CERT1: variants seen among roughly 807,000 people sequenced by gnomAD.
CERT1 encodes ceramide transporter 1.
Under a neutral mutation model 87.9 loss-of-function variants are expected in CERT1, and 31 were observed. The ratio of observed to expected loss-of-function variants is 0.35; its 90% CI spans 0.27 to 0.48. CERT1 has a LOEUF of 0.48. Among genes scored for constraint, CERT1 ranks in the 20% least tolerant of loss-of-function variants. The pLI, the probability that CERT1 is intolerant of heterozygous loss-of-function variation, is 0.99. For synonymous variants in CERT1, 289 were observed against 250.9 expected (o/e 1.15, Z -1.44); for missense variants, 487 against 758.0 (o/e 0.64, Z 4.20).
At chr5:75,510,949 A>C (rs1194494785) in intron 1 of CERT1, among the ~76,000 whole-genome samples, 163 bp downstream of exon 1, 2 of 152,116 alleles carry the variant, frequency 1.3e-5, no homozygotes, top group African/African-American at 4.8e-5. Context: ...CAACAAGGAC[A>C]GTGCCCCTAT....
Position 75,426,403 on chromosome 5 carries a change from C to T in CERT1, c.424G>A (p.Gly142Ser). The T allele has an allele frequency of 6.2e-7, 1 of 1,613,546 alleles. No individual in the cohort carries two copies. Among genetic ancestry groups the T allele is most frequent in the Non-Finnish European group, 8.5e-7 (1 of 1,179,664 alleles). ...SMVSLVSGAS[G>S]YSATSTSSFK... ...GAAGAGGTGGATGTTGCAGAGTAGC[C>T]ACTTGCTCCAGACACCAGGGACACC... is the stretch of plus-strand genomic sequence containing the variant. Residue 142 changes from glycine (G) to serine (S), a missense_variant, in exon 4 of 17, where the codon GGC becomes AGC. Transcript: ENST00000643780.
At chr5:75,482,701 G>A (rs2112395849) in intron 2 of CERT1, among the ~76,000 whole-genome samples, 1 of 152,270 alleles carries the variant, frequency 6.6e-6, no homozygotes, top group Admixed American at 6.5e-5. Context: ...TCCATTTAGG[G>A]GAAAGGGTAG....
chr5:75,511,253 TGCGCCGGAGGAGGCG>T lies in CERT1; in HGVS notation c.-61_-47del. 1 of 1,603,918 alleles carries T rather than the reference TGCGCCGGAGGAGGCG, an allele frequency of 6.2e-7. No homozygotes were observed. Among genetic ancestry groups the T allele is most frequent in the Non-Finnish European group, 8.5e-7 (1 of 1,175,374 alleles). ...GGAGACCGGCCCCCGCTCCCTCAGC[TGCGCCGGAGGAGGCG>T]CCCAGTCCTCGGGGTGAAGGGTCGG... On this transcript the variant is annotated 5_prime_UTR_variant, in exon 1 of 17. Coordinates refer to ENST00000643780, the MANE Select transcript of CERT1 (RefSeq NM_001379029.1).
intron 14 of CERT1, among the ~76,000 whole-genome samples, chr5:75,384,161 AC>A (rs1434066404): frequency 1.3e-5 from 2 of 152,164 alleles, no homozygotes; most frequent in African/African-American, 4.8e-5. Flanking sequence ...ACTATCATTT[AC>A]CTCTTATAGA....
chr5:75,428,604 G>A (rs1763728361), intron 3 of CERT1, among the ~76,000 whole-genome samples: 1 of 152,002 alleles, frequency 6.6e-6, no homozygotes, highest in Non-Finnish European at 1.5e-5. Context: ...CATGAACCTG[G>A]GAGGCGGAGC....
intron 2 of CERT1, among the ~76,000 whole-genome samples, chr5:75,475,498 C>G (rs925493306): frequency 1.3e-5 from 2 of 152,062 alleles, no homozygotes; most frequent in Non-Finnish European, 2.9e-5. Flanking sequence ...AAGAAGAGCC[C>G]TACCATTTTC....
intron 15 of CERT1, 63 bp from the exon 16 acceptor site, chr5:75,381,264 A>T (rs1220046183): frequency 6.3e-7 from 1 of 1,586,092 alleles, no homozygotes; most frequent in African/African-American, 1.3e-5. Context: ...TGCTGGTCTA[A>T]TATTATATTA....
At chr5:75,474,211 C>A (rs1005842541) in intron 2 of CERT1, among the ~76,000 whole-genome samples, 3 of 152,196 alleles carry the variant, frequency 2.0e-5, no homozygotes, top group Non-Finnish European at 4.4e-5. Context: ...CTGTCACGTA[C>A]CCCCTGCTTG....
intron 3 of CERT1, among the ~76,000 whole-genome samples, chr5:75,450,310 C>T (rs1001029281): frequency 6.6e-6 from 1 of 152,072 alleles, no homozygotes; most frequent in South Asian, 2.1e-4. Flanking sequence ...AGTTCAGGCA[C>T]GGGGCTGACC....
At chr5:75,454,783 AAACTC>A (rs1764906971) in intron 3 of CERT1, among the ~76,000 whole-genome samples, 1 of 152,194 alleles carries the variant, frequency 6.6e-6, no homozygotes, top group African/African-American at 2.4e-5. Flanking sequence ...AAAGGTGAAA[AAACTC>A]AATTAAGTGG....
At chr5:75,449,613 A>T (rs1263530585) in intron 3 of CERT1, among the ~76,000 whole-genome samples, 2 of 152,016 alleles carry the variant, frequency 1.3e-5, no homozygotes, top group African/African-American at 4.8e-5. Context: ...ATATTGAAAA[A>T]TTTTTTTCCA....
chr5:75,511,141 G>A lies in CERT1; in HGVS notation c.67C>T (p.Pro23Ser), dbSNP rs1272292424. ...EEDPETESGP[P>S]VERCGVLSKW... ...CTGAGGACCCCGCAGCGCTCCACAG[G>A]CGGCCCAGACTCCGTCTCTGGATCC... Residue 23 changes from proline to serine, a missense_variant, in exon 1 of 17, where the codon CCT (proline) becomes TCT (serine). Physicochemically the swap from Pro to Ser is moderately conservative, Grantham distance 74. This residue lies in a region of CERT1 where 173 missense variants were observed against 302.2 expected (regional missense o/e 0.57). Transcript: ENST00000643780. 6.2e-7 allele frequency: 1 copy of A among 1,606,026 alleles called. No individual in the cohort carries two copies. Among genetic ancestry groups the A allele is most frequent in the Non-Finnish European group, 8.5e-7 (1 of 1,176,194 alleles).
rs541721863 is a variant in CERT1, at chr5:75,385,147, G to A, written c.1418-435C>T. 6.6e-4 allele frequency among the ~76,000 whole-genome samples: 101 copies of A among 152,274 alleles called. 1 individual carries two copies. The highest frequency in any genetic ancestry group is 2.4e-3 in the African/African-American group (98 of 41,546). On this transcript the variant is annotated intron_variant, in intron 13 of 16. Transcript: ENST00000643780. ...TGATGTTGAGAAGTATCTATACTTAGGAAATTTTGTGTCTAAGGGGAATAC... is the reference window on the plus strand; with the variant it reads ...TGATGTTGAGAAGTATCTATACTTAAGAAATTTTGTGTCTAAGGGGAATAC...
chr5:75,437,661 G>A lies in CERT1; in HGVS notation c.349-11183C>T, dbSNP rs146864749. Among the ~76,000 whole-genome samples the A allele has an allele frequency of 1.1e-3, 163 of 151,746 alleles. 1 individual carries two copies. In the East Asian group the frequency reaches 0.027, roughly 26 times the overall value. On this transcript the variant is annotated intron_variant, in intron 3 of 16. Coordinates refer to ENST00000643780, the MANE Select transcript of CERT1 (RefSeq NM_001379029.1). ...CACGCCTATTGTCCCAGCTACTTGGGAGGCTGAGGCAGGAGACTCGCTTGA... is the reference window on the plus strand; with the variant it reads ...CACGCCTATTGTCCCAGCTACTTGGAAGGCTGAGGCAGGAGACTCGCTTGA...
chr5:75,456,203 A>G (rs1764974229), intron 3 of CERT1, among the ~76,000 whole-genome samples: 1 of 152,236 alleles, frequency 6.6e-6, no homozygotes, highest in Admixed American at 6.5e-5. Flanking sequence ...TACATGTTAA[A>G]TAACTCAACA....
At chr5:75,399,182 C>T (rs959487228) in intron 11 of CERT1, 128 bp downstream of exon 11, 3 of 687,376 alleles carry the variant, frequency 4.4e-6, no homozygotes, top group South Asian at 1.7e-5. Context: ...CTTTTTAATG[C>T]TTAATGTTAC....
chr5:75,487,253 A>T (rs1766566218), intron 2 of CERT1, among the ~76,000 whole-genome samples: 1 of 152,096 alleles, frequency 6.6e-6, no homozygotes, highest in Non-Finnish European at 1.5e-5. Context: ...TTCAATAAAT[A>T]GTGCTAGGAA....
chr5:75,404,972 C>T (rs7726771), intron 8 of CERT1, among the ~76,000 whole-genome samples: 7,290 of 152,092 alleles, frequency 0.048, 263 homozygotes, highest in East Asian at 0.18. Context: ...GCCAAGATCG[C>T]ACCACTGCAC....
At chr5:75,490,832 TA>T (rs1256445393) in intron 2 of CERT1, among the ~76,000 whole-genome samples, 1 of 152,158 alleles carries the variant, frequency 6.6e-6, no homozygotes. Context: ...CAGTATCTGG[TA>T]ACTTTTTTTC....
Sources: gnomAD v4.1 joint callset for allele counts (sites outside exome capture counted in the v4.1 genomes callset) on GRCh38, gnomAD v4.1.1 for gene constraint, gnomAD v4.1.1 regional missense constraint, MANE v1.5 for transcripts, NCBI Gene and HGNC (gene_info 2026-07-23, HGNC 2026-07-21) for gene names.